USP34: variants seen among roughly 807,000 people sequenced by gnomAD.
USP34 encodes ubiquitin carboxyl-terminal hydrolase 34.
In USP34, 70 loss-of-function variants were observed where a neutral mutation model predicts 460.3. The ratio of observed to expected loss-of-function variants is 0.15; its 90% CI spans 0.13 to 0.19. The LOEUF is 0.19. USP34 is among the 10% of genes least tolerant of loss of function. The pLI is 1.00. For missense variants in USP34, 3,985 were observed against 4,236.2 expected (o/e 0.94, Z 1.65); for synonymous variants, 1,647 against 1,405.3 (o/e 1.17, Z -3.85).
intron 1 of USP34, among the ~76,000 whole-genome samples, chr2:61,464,888 G>A (rs1267928536): frequency 1.3e-5 from 2 of 151,930 alleles, no homozygotes; most frequent in Non-Finnish European, 2.9e-5. Context: ...GAAATGCTTT[G>A]GCCTTTGTAA....
chr2:61,246,155 G>A (rs921068010), intron 50 of USP34, among the ~76,000 whole-genome samples, 169 bp downstream of exon 50: 2 of 152,160 alleles, frequency 1.3e-5, no homozygotes, highest in Non-Finnish European at 2.9e-5. Flanking sequence ...TAAAAGATCC[G>A]TATGTTTAAG....
At chr2:61,315,141 C>T (rs1251660821) in intron 23 of USP34, among the ~76,000 whole-genome samples, 167 bp from the exon 24 acceptor site, 1 of 152,076 alleles carries the variant, frequency 6.6e-6, no homozygotes. Context: ...TACACCTGTA[C>T]TAGTTCTAAA....
In USP34 at chr2:61,262,284, A is replaced by G. The variant is rs201047638; in HGVS notation, c.5779-2508T>C. Among the ~76,000 whole-genome samples, 5 of 151,728 alleles carry G rather than the reference A, an allele frequency of 3.3e-5. No individual in the cohort carries two copies. The East Asian group carries it at 9.7e-4, about 29-fold the overall frequency. ...GTAAGTTTGGTATATAGATTGTTCT[A>G]TCACCCAGGTAATAATAGTACCAAT... On this transcript the variant is annotated intron_variant, in intron 43 of 79. Transcript: ENST00000398571.
chr2:61,218,341 A>G (rs1007936328), intron 67 of USP34, among the ~76,000 whole-genome samples: 8 of 150,606 alleles, frequency 5.3e-5, no homozygotes, highest in South Asian at 2.1e-4. Flanking sequence ...AAAAAGGCCC[A>G]TGGGCAGAGT....
chr2:61,268,709 C>A (rs981300184), intron 41 of USP34, among the ~76,000 whole-genome samples: 2 of 151,862 alleles, frequency 1.3e-5, no homozygotes, highest in Admixed American at 1.3e-4. Context: ...TCCATGTGCA[C>A]TAAAAACATT....
intron 27 of USP34, among the ~76,000 whole-genome samples, chr2:61,303,403 T>C (rs1690291083): frequency 6.6e-6 from 1 of 152,032 alleles, no homozygotes; most frequent in African/African-American, 2.4e-5. Context: ...TATTATATAC[T>C]TGATTTAGTG....
At chr2:61,431,401 A>G (rs1019376875) in intron 1 of USP34, among the ~76,000 whole-genome samples, 9 of 152,240 alleles carry the variant, frequency 5.9e-5, no homozygotes, top group African/African-American at 1.9e-4. Context: ...TATTAATTAA[A>G]CTTTTTGTAG....
chr2:61,437,864 A>G (rs1272363450), intron 1 of USP34, among the ~76,000 whole-genome samples: 1 of 151,882 alleles, frequency 6.6e-6, no homozygotes, highest in African/African-American at 2.4e-5. Context: ...ATCAGTAACA[A>G]AAAGTCTCCC....
chr2:61,416,358 A>G (rs888438279), intron 2 of USP34, among the ~76,000 whole-genome samples: 1 of 152,228 alleles, frequency 6.6e-6, no homozygotes, highest in Non-Finnish European at 1.5e-5. Context: ...GACAAATATA[A>G]AAGATACTAC....
chr2:61,234,665 G>C (rs1272335051), intron 57 of USP34, among the ~76,000 whole-genome samples: 1 of 152,144 alleles, frequency 6.6e-6, no homozygotes, highest in African/African-American at 2.4e-5. Context: ...AATTGAGACA[G>C]AGTCTCACTC....
At chr2:61,206,627 G>GT in intron 71 of USP34, 133 bp downstream of exon 71, 1 of 1,146,604 alleles carries the variant, frequency 8.7e-7, no homozygotes, top group South Asian at 1.8e-5. Flanking sequence ...TTTCCTGATG[G>GT]TTAGCTAGCT....
At chr2:61,314,219 T>C (rs1690677077) in intron 25 of USP34, among the ~76,000 whole-genome samples, 1 of 151,870 alleles carries the variant, frequency 6.6e-6, no homozygotes, top group South Asian at 2.1e-4. Flanking sequence ...AACTATGAGA[T>C]TATTTGATGT....
At chr2:61,215,399 C>G (rs1687368237) in intron 67 of USP34, among the ~76,000 whole-genome samples, 1 of 152,152 alleles carries the variant, frequency 6.6e-6, no homozygotes, top group Non-Finnish European at 1.5e-5. Context: ...AATTACAGAA[C>G]ATTAACTTTG....
chr2:61,294,685 G>C (rs943631057), intron 32 of USP34, among the ~76,000 whole-genome samples: 10 of 152,008 alleles, frequency 6.6e-5, no homozygotes, highest in African/African-American at 2.4e-4. Context: ...CCTCCCAAAG[G>C]GCTGGATCAC....
At chr2:61,277,857 A>G (rs1016195290) in intron 41 of USP34, 15 of 258,694 alleles carry the variant, frequency 5.8e-5, no homozygotes, top group Admixed American at 1.0e-4. Context: ...TGATAAGTGA[A>G]TAAGTCTCTT....
chr2:61,411,764 T>C (rs1165085055), intron 2 of USP34, among the ~76,000 whole-genome samples: 1 of 152,180 alleles, frequency 6.6e-6, no homozygotes, highest in Non-Finnish European at 1.5e-5. Context: ...GTGGCCAACA[T>C]CTGAGATGCC....
chr2:61,235,792 G>GA, intron 57 of USP34, 53 bp downstream of exon 57: 1 of 1,560,350 alleles, frequency 6.4e-7, no homozygotes, highest in South Asian at 1.2e-5. Context: ...TCAGAGGGGG[G>GA]GAAAAAAAAA....
intron 21 of USP34, 151 bp from the exon 22 acceptor site, chr2:61,319,478 A>G (rs555559268): frequency 9.6e-5 from 42 of 437,150 alleles, no homozygotes; most frequent in Non-Finnish European, 1.5e-4. Context: ...TAATGAAACT[A>G]ACTTTACCAT....
At chr2:61,277,957 TCGGACTTGCC>T (rs749940152) in intron 41 of USP34, 198 bp downstream of exon 41, 27 of 569,450 alleles carry the variant, frequency 4.7e-5, no homozygotes, top group Non-Finnish European at 7.4e-5. Flanking sequence ...TGCGACTTGC[TCGGACTTGCC>T]CGGACTTGCC....
Sources: gnomAD v4.1 joint callset for allele counts (sites outside exome capture counted in the v4.1 genomes callset) on GRCh38, gnomAD v4.1.1 for gene constraint, MANE v1.5 for transcripts, NCBI Gene and HGNC (gene_info 2026-07-23, HGNC 2026-07-21) for gene names.